CLEC10A: variants seen among roughly 807,000 people sequenced by gnomAD.
CLEC10A encodes the protein C-type lectin domain containing 10A.
Under a neutral mutation model 42.0 loss-of-function variants are expected in CLEC10A, and 38 were observed. The observed-to-expected ratio is 0.90, with a 90% CI of 0.70 to 1.18. The LOEUF is 1.18. Among genes scored for constraint, CLEC10A ranks in the 50% most tolerant of loss-of-function variants. The pLI is 0.00. For synonymous variants in CLEC10A, 126 were observed against 139.9 expected, an observed-to-expected ratio of 0.90 and a Z score of 0.70; for missense variants, 298 against 345.9, an observed-to-expected ratio of 0.86 and a Z score of 1.10.
intron 5 of CLEC10A, 38 bp downstream of exon 5, chr17:7,076,695 G>C (rs761124852): frequency 6.2e-7 from 1 of 1,604,778 alleles, no homozygotes; most frequent in Non-Finnish European, 8.5e-7. Context: ...GTGTCTGAGC[G>C]CCTAGCCCCC....
intron 1 of CLEC10A, among the ~76,000 whole-genome samples, chr17:7,079,566 C>G (rs1009421429): frequency 2.0e-5 from 3 of 151,500 alleles, no homozygotes; most frequent in African/African-American, 7.3e-5. Flanking sequence ...CTGGACGACA[C>G]AGTGAGACTC....
rs1597357682 is a variant in CLEC10A at position 7,075,836 on chromosome 17, G to A, written c.489C>T (p.Asp163=). Residue 163 remains aspartate, a synonymous_variant, in exon 7 of 9, where the codon GAC becomes GAT. Transcript: ENST00000416562. ...CAGAGTGAGAGAACCAGTAGCAGCT[G>A]TCTTGGTGCTCCACCCAGTTGACAG... ...CCPVNWVEHQ[D]SCYWFSHSGM... 6.2e-7 allele frequency: 1 copy of A among 1,614,162 alleles called. No homozygotes were observed. Among genetic ancestry groups the A allele is most frequent in the African/African-American group, 1.3e-5 (1 of 75,052 alleles).
intron 3 of CLEC10A, among the ~76,000 whole-genome samples, chr17:7,077,675 A>C (rs1447385968): frequency 2.0e-5 from 1 of 50,992 alleles, no homozygotes; most frequent in East Asian, 5.8e-4. Context: ...TGCCCCCACC[A>C]CCGTCCCCAT....
In CLEC10A at chr17:7,078,868, G is replaced by GC; in HGVS notation, c.-57dup. On this transcript the variant is annotated 5_prime_UTR_variant, in exon 2 of 9. Transcript: ENST00000416562. ...CAGCTGAAATGGAGGCAGGGCCGGC[G>GC]CCCAGTCTGGGGTGGAGCTGGGGAA... 1 of 1,561,110 alleles carries GC rather than the reference G, an allele frequency of 6.4e-7. No individual in the cohort carries two copies. Among genetic ancestry groups the GC allele is most frequent in the Non-Finnish European group, 8.8e-7 (1 of 1,131,766 alleles).
intron 5 of CLEC10A, among the ~76,000 whole-genome samples, 174 bp downstream of exon 5, chr17:7,076,559 G>A (rs1018507815): frequency 5.9e-5 from 9 of 151,504 alleles, no homozygotes; most frequent in East Asian, 1.9e-4. Flanking sequence ...TGATCCACCC[G>A]CCTCGGCCTC....
At chr17:7,079,526 T>C (rs1224664470) in intron 1 of CLEC10A, among the ~76,000 whole-genome samples, 1 of 151,566 alleles carries the variant, frequency 6.6e-6, no homozygotes, top group Non-Finnish European at 1.5e-5. Flanking sequence ...GAGGTGGCAG[T>C]GAGCCGAGGT....
chr17:7,078,782 AG>A lies in CLEC10A; in HGVS notation c.30del (p.Leu11TrpfsTer5), dbSNP rs1567746918. On this transcript the variant is annotated frameshift_variant, in exon 2 of 9. Coordinates refer to ENST00000416562, the MANE Select transcript of CLEC10A (RefSeq NM_001330070.2). LOFTEE classifies it high-confidence loss of function. ...CCCTGGACTTTCACCTTATTCTCCAAGTACTGGAAGTTTTCATACGTCCTTG... is the reference window on the plus strand; with the variant it reads ...CCCTGGACTTTCACCTTATTCTCCAATACTGGAAGTTTTCATACGTCCTTG... Reference protein sequence around the residue: MTRTYENFQYLENKVKVQGF... With the variant: MTRTYENFQXLENKVKVQGF... The A allele has an allele frequency of 6.2e-7, 1 of 1,614,162 alleles. No individual in the cohort carries two copies. The highest frequency in any genetic ancestry group is 8.5e-7 in the Non-Finnish European group (1 of 1,180,034).
intron 8 of CLEC10A, 36 bp from the exon 9 acceptor site, chr17:7,075,258 A>G: frequency 6.6e-7 from 1 of 1,512,226 alleles, no homozygotes; most frequent in Non-Finnish European, 8.8e-7. Context: ...TAGGAAGGGT[A>G]GATGGAGTAG....
intron 3 of CLEC10A, among the ~76,000 whole-genome samples, chr17:7,077,350 G>GCC (rs1567745553): frequency 1.7e-4 from 22 of 129,562 alleles, no homozygotes; most frequent in African/African-American, 5.9e-4. Context: ...CTCCATCAGT[G>GCC]CTCCGACCAC....
At chr17:7,078,407 A>T (rs963957407) in intron 2 of CLEC10A, 8 of 503,170 alleles carry the variant, frequency 1.6e-5, no homozygotes, top group African/African-American at 7.7e-5. Flanking sequence ...AGCTGGGGGC[A>T]GCCAGCCCTT....
Position 7,075,112 on chromosome 17 carries a change from C to G in CLEC10A, c.812G>C (p.Arg271Thr), listed in dbSNP as rs774156162. The G allele has an allele frequency of 4.4e-6, 7 of 1,607,824 alleles. No individual in the cohort carries two copies. The highest frequency in any genetic ancestry group is 5.1e-6 in the Non-Finnish European group (6 of 1,178,308). Residue 271 changes from arginine to threonine, a missense_variant, in exon 9 of 9, where the codon AGG becomes ACG. By Grantham distance (71) the Arg-to-Thr change is moderately conservative. Coordinates refer to ENST00000416562, the MANE Select transcript of CLEC10A (RefSeq NM_001330070.2). ...DGRWNDDVCQRPYHWVCEAGL... is the reference protein window; with the variant it reads ...DGRWNDDVCQTPYHWVCEAGL... ...AGCCTCGCAGACCCAGTGGTAGGGC[C>G]TCTGGCAGACGTCGTCATTCCACCT...
intron 1 of CLEC10A, among the ~76,000 whole-genome samples, chr17:7,079,469 G>A (rs867556565): frequency 3.9e-5 from 6 of 152,186 alleles, no homozygotes; most frequent in Middle Eastern, 3.4e-3. Flanking sequence ...TGTAATCCCA[G>A]CTACTTGGGA....
Position 7,078,429 on chromosome 17 carries a change from G to A in CLEC10A, c.68-316C>T, listed in dbSNP as rs951845682. On this transcript the variant is annotated intron_variant, in intron 2 of 8. Transcript: ENST00000416562. ...GGCAGCCAGCCCTTCATGGGCTTAT[G>A]CTCACCTACCTGCTGGACAATCAGG... 54 of 513,510 alleles carry A rather than the reference G, an allele frequency of 1.1e-4. No homozygotes were observed. The East Asian group carries it at 1.7e-3, about 16-fold the overall frequency. 31.8% of individuals were successfully genotyped at this position (513,510 alleles called of 1,614,324 possible).
chr17:7,077,833 C>T (rs1911935299), intron 3 of CLEC10A, among the ~76,000 whole-genome samples, 164 bp downstream of exon 3: 1 of 146,688 alleles, frequency 6.8e-6, no homozygotes, highest in Non-Finnish European at 1.5e-5. Context: ...GCACTGCCCT[C>T]ACCATGCCCC....
chr17:7,075,130 T>C lies in CLEC10A; in HGVS notation c.794A>G (p.Asn265Ser), dbSNP rs1412222868. 6.2e-7 allele frequency: 1 copy of C among 1,608,576 alleles called. No homozygotes were observed. Among genetic ancestry groups the C allele is most frequent in the African/African-American group, 1.3e-5 (1 of 74,512 alleles). The change falls in exon 9 of 9, where the codon AAT becomes AGT. Residue 265 changes from asparagine (N) to serine (S), a missense_variant. Coordinates refer to ENST00000416562, the MANE Select transcript of CLEC10A (RefSeq NM_001330070.2). ...GTAGGGCCTCTGGCAGACGTCGTCA[T>C]TCCACCTGCCGTCTGGATGGAAGTG... ...CAHFHPDGRW[N>S]DDVCQRPYHW... is the part of the protein sequence containing the mutation.
Position 7,075,347 on chromosome 17 carries a change from AG to A in CLEC10A, c.701+12del. 1.3e-6 allele frequency: 2 copies of A among 1,514,064 alleles called. No individual in the cohort carries two copies. The highest frequency in any genetic ancestry group is 1.8e-6 in the Non-Finnish European group (2 of 1,133,714). The allele number at this position is 1,514,064 out of a possible 1,614,324, so 93.8% of individuals were successfully genotyped here. A position where few individuals can be genotyped will look rare whatever the true frequency, so the allele number is the denominator to read the frequency against. ...ACGGAGGACATTGGCACAGAAAGCC[AG>A]GGTGCACTCACTGGAAGCCGGTCGC... On this transcript the variant is annotated intron_variant, in intron 8 of 8. Coordinates refer to ENST00000416562, the MANE Select transcript of CLEC10A (RefSeq NM_001330070.2).
Position 7,076,933 on chromosome 17 carries a change from G to A in CLEC10A, c.239C>T (p.Thr80Ile), listed in dbSNP as rs1911796350. 1.2e-6 allele frequency: 2 copies of A among 1,613,870 alleles called. No homozygotes were observed. The highest frequency in any genetic ancestry group is 1.1e-5 in the South Asian group (1 of 91,066). ...VTLRTDFSNF[T>I]SNTVAEIQAL... is the part of the protein sequence containing the mutation. ...CTGGATCTCCGCCACAGTGTTTGAGGTGAAGTTGCTAAAATCTGTTCTCAG... is the reference window on the plus strand; with the variant it reads ...CTGGATCTCCGCCACAGTGTTTGAGATGAAGTTGCTAAAATCTGTTCTCAG... Residue 80 changes from threonine to isoleucine, a missense_variant, in exon 4 of 9, where the codon ACC becomes ATC. This residue lies in a region of CLEC10A where 267 missense variants were observed against 289.5 expected (regional missense o/e 0.92). Coordinates refer to ENST00000416562, the MANE Select transcript of CLEC10A (RefSeq NM_001330070.2).
intron 1 of CLEC10A, among the ~76,000 whole-genome samples, chr17:7,079,403 T>C (rs1164680074): frequency 1.3e-5 from 2 of 151,972 alleles, no homozygotes; most frequent in African/African-American, 4.8e-5. Flanking sequence ...GCCAACATGG[T>C]GAAACCCCAT....
At chr17:7,075,246 G>T (rs763287936) in intron 8 of CLEC10A, 24 bp from the exon 9 acceptor site, 8 of 1,519,120 alleles carry the variant, frequency 5.3e-6, no homozygotes, top group Non-Finnish European at 7.0e-6. Flanking sequence ...ACAACAGCAA[G>T]CTAGGAAGGG....
Sources: allele counts gnomAD v4.1 joint callset (sites outside exome capture counted in the v4.1 genomes callset), GRCh38; gene constraint gnomAD v4.1.1; regional missense constraint gnomAD v4.1.1; transcripts MANE v1.5; gene names NCBI Gene and HGNC (gene_info 2026-07-23, HGNC 2026-07-21).